The following HTT variants were observed in gnomAD, a reference collection of about 807,000 sequenced individuals.
The protein encoded by HTT is huntingtin.
HTT carries 104 observed loss-of-function variants against 362.3 expected under a neutral mutation model. That is an observed-to-expected ratio of 0.29 (90% CI 0.24 to 0.34). The LOEUF (loss-of-function observed/expected upper bound fraction) is 0.34, where lower values mean the gene tolerates loss of function less well. HTT is among the 10% of genes least tolerant of loss of function. The probability of loss-of-function intolerance (pLI) is 1.00; values close to 1 mark genes in which losing one functional copy is unlikely to be tolerated. For synonymous variants in HTT, 1,577 were observed against 1,548.7 expected (o/e 1.02, Z -0.43); for missense variants, 3,301 against 3,928.6 (o/e 0.84, Z 4.27).
chr4:3,150,336 A>G (rs933894388), intron 26 of HTT, among the ~76,000 whole-genome samples: 6 of 152,092 alleles, frequency 3.9e-5, no homozygotes, highest in African/African-American at 1.4e-4. Flanking sequence ...AAATAACCTT[A>G]TGTGGGTAGT....
At chr4:3,211,700 C>T (rs11721434) in intron 47 of HTT, among the ~76,000 whole-genome samples, 1 of 152,020 alleles carries the variant, frequency 6.6e-6, no homozygotes, top group African/African-American at 2.4e-5. Flanking sequence ...ACTTAAAATA[C>T]TAAGAGAGAA....
rs140443105 is a variant in HTT at position 3,080,341 on chromosome 4, C to T, written c.263+5253C>T. On this transcript the variant is annotated intron_variant, in intron 1 of 66. Coordinates refer to ENST00000355072, the MANE Select transcript of HTT (RefSeq NM_001388492.1). ...AACTTCTGACCTCAGGTGATCCACTCGCCTCAGCCTGCCAAAGTGCTGGGA... is the reference window on the plus strand; with the variant it reads ...AACTTCTGACCTCAGGTGATCCACTTGCCTCAGCCTGCCAAAGTGCTGGGA... 2.8e-3 allele frequency among the ~76,000 whole-genome samples: 420 copies of T among 152,100 alleles called. 1 individual carries two copies. The highest frequency in any genetic ancestry group is 9.5e-3 in the African/African-American group (396 of 41,478).
At chr4:3,151,338 GA>G (rs1430064959) in intron 26 of HTT, among the ~76,000 whole-genome samples, 1 of 151,696 alleles carries the variant, frequency 6.6e-6, no homozygotes, top group Non-Finnish European at 1.5e-5. Context: ...TGGCCCACAG[GA>G]AAAAGAGAGA....
intron 26 of HTT, among the ~76,000 whole-genome samples, chr4:3,151,484 A>G (rs912733182): frequency 1.3e-5 from 2 of 152,118 alleles, no homozygotes; most frequent in Non-Finnish European, 2.9e-5. Flanking sequence ...CAACCATTAG[A>G]AACTACCCCC....
Position 3,135,913 on chromosome 4 carries a change from CT to C in HTT, c.2648del (p.Leu883TrpfsTer19). 6.2e-7 allele frequency: 1 copy of C among 1,602,084 alleles called. No individual in the cohort carries two copies. The highest frequency in any genetic ancestry group is 1.8e-5 in the Admixed American group (1 of 56,920). On this transcript the variant is annotated frameshift_variant, in exon 20 of 67. Coordinates refer to ENST00000355072, the MANE Select transcript of HTT (RefSeq NM_001388492.1). LOFTEE classifies it high-confidence loss of function. ...TGTGCTCTTTTGTTAGGCTGGTGAG[CT>C]TTTTGGAGGCAAAAGCAGAAAACTT... is the stretch of plus-strand genomic sequence containing the variant. ...LAEIDFRLVS[F>X]LEAKAENLHR... is the part of the protein sequence containing the mutation.
chr4:3,154,395 A>G lies in HTT; in HGVS notation c.3601A>G (p.Lys1201Glu). 6.2e-7 allele frequency: 1 copy of G among 1,614,092 alleles called. No individual in the cohort carries two copies. Reference protein sequence around the residue: ...GEQASVPLSPKKGSEASAASR... With the variant: ...GEQASVPLSPEKGSEASAASR... The stretch of plus-strand genomic sequence containing the variant: ...ACAAGCATCTGTACCGTTGAGTCCC[A>G]AGAAAGGCAGTGAGGCCAGTGCAGG... Residue 1201 changes from lysine to glutamate, a missense_variant, in exon 27 of 67, where the codon AAG becomes GAG. Physicochemically the swap from Lys to Glu is moderately conservative, Grantham distance 56. Around this residue, in one of 4 missense-constraint regions of HTT, gnomAD observed 2,316 missense variants for 2,658.5 expected, o/e 0.87. Coordinates refer to ENST00000355072, the MANE Select transcript of HTT (RefSeq NM_001388492.1).
At position 3,204,019 on chromosome 4, in the gene HTT, G is replaced by A. The variant is rs1427579228; in HGVS notation, c.5589G>A (p.Leu1863=). 1.2e-6 allele frequency: 2 copies of A among 1,614,176 alleles called. No individual in the cohort carries two copies. The highest frequency in any genetic ancestry group is 1.6e-4 in the Middle Eastern group (1 of 6,062). ...EVQQTPKRHS[L]SSTKLLSPQM... ...TTGCTCCTTCTAGAAGACACAGTCTGTCCAGCACAAAGTTACTTAGTCCCC... is the reference window on the plus strand; with the variant it reads ...TTGCTCCTTCTAGAAGACACAGTCTATCCAGCACAAAGTTACTTAGTCCCC... The change falls in exon 42 of 67, where the codon CTG becomes CTA. Residue 1863 remains leucine, a synonymous_variant. Coordinates refer to ENST00000355072, the MANE Select transcript of HTT (RefSeq NM_001388492.1).
chr4:3,087,007 T>A lies in HTT; in HGVS notation c.332T>A (p.Val111Glu), dbSNP rs1222527408. The A allele has an allele frequency of 6.3e-7, 1 of 1,595,988 alleles. No individual in the cohort carries two copies. Among genetic ancestry groups the A allele is most frequent in the Admixed American group, 1.7e-5 (1 of 59,958 alleles). ...NHCLTICENI[V>E]AQSVRNSPEF... ...TGTCTGACAATATGTGAAAACATAG[T>A]GGCACAGTCTGTCAGGTAATTGCAC... Residue 111 changes from valine (V) to glutamate (E), a missense_variant, in exon 2 of 67, where the codon GTG (valine) becomes GAG (glutamate). Val to Glu is a moderately radical substitution (Grantham distance 121). This residue lies in a region of HTT where 2,316 missense variants were observed against 2,658.5 expected (regional missense o/e 0.87). Coordinates refer to ENST00000355072, the MANE Select transcript of HTT (RefSeq NM_001388492.1).
At chr4:3,085,408 T>C (rs1713156861) in intron 1 of HTT, among the ~76,000 whole-genome samples, 1 of 152,200 alleles carries the variant, frequency 6.6e-6, no homozygotes, top group Admixed American at 6.5e-5. Context: ...AGTGCTGGGA[T>C]TACAGGCGTG....
Position 3,157,054 on chromosome 4 carries a change from G to C in HTT, c.3626-18G>C. The C allele has an allele frequency of 6.4e-7, 1 of 1,572,394 alleles. No individual in the cohort carries two copies. The highest frequency in any genetic ancestry group is 1.2e-5 in the South Asian group (1 of 83,938). The stretch of plus-strand genomic sequence containing the variant: ...ATTTTGATCTAAAAGTTTATCTTTT[G>C]TGTGCATATTTTTAAAGCTTCTAGA... On this transcript the variant is annotated intron_variant, in intron 27 of 66. Transcript: ENST00000355072.
intron 9 of HTT, 153 bp downstream of exon 9, chr4:3,121,585 G>A (rs924112016): frequency 1.7e-6 from 1 of 596,394 alleles, no homozygotes; most frequent in East Asian, 2.9e-5. Flanking sequence ...TTTATAAATA[G>A]GGGAGTTGGG....
At chr4:3,078,153 G>C (rs1202515116) in intron 1 of HTT, among the ~76,000 whole-genome samples, 1 of 152,192 alleles carries the variant, frequency 6.6e-6, no homozygotes, top group African/African-American at 2.4e-5. Context: ...CAGTAATTAG[G>C]AGGCAATTAA....
intron 46 of HTT, 75 bp from the exon 47 acceptor site, chr4:3,209,752 C>G: frequency 6.3e-7 from 1 of 1,577,752 alleles, no homozygotes; most frequent in Non-Finnish European, 8.7e-7. Flanking sequence ...CTGGCCTAGG[C>G]CTGTAGCTCC....
At chr4:3,220,418 C>A in intron 53 of HTT, 110 bp downstream of exon 53, 2 of 1,157,148 alleles carry the variant, frequency 1.7e-6, no homozygotes, top group Non-Finnish European at 2.5e-6. Flanking sequence ...AAGATTTAAG[C>A]ATGATAATAA....
chr4:3,194,064 G>A (rs945648533), intron 40 of HTT, among the ~76,000 whole-genome samples: 10 of 152,268 alleles, frequency 6.6e-5, no homozygotes, highest in Non-Finnish European at 1.2e-4. Context: ...AATTCATCTC[G>A]TGTTTTTATA....
At chr4:3,150,092 C>T (rs1342229024) in intron 26 of HTT, among the ~76,000 whole-genome samples, 2 of 152,174 alleles carry the variant, frequency 1.3e-5, no homozygotes, top group Non-Finnish European at 2.9e-5. Flanking sequence ...CCTTCCTGCC[C>T]ACCAGCACAT....
chr4:3,122,694 G>A (rs950172324), intron 9 of HTT, among the ~76,000 whole-genome samples, 195 bp from the exon 10 acceptor site: 1 of 152,076 alleles, frequency 6.6e-6, no homozygotes, highest in African/African-American at 2.4e-5. Context: ...CATATCTTTA[G>A]AACTATATAT....
chr4:3,121,453 A>G (rs1276182246), intron 9 of HTT, 21 bp downstream of exon 9: 5 of 1,552,478 alleles, frequency 3.2e-6, no homozygotes, highest in South Asian at 2.2e-5. Flanking sequence ...AGCAAGGTCT[A>G]CTCTTACAAT....
intron 1 of HTT, among the ~76,000 whole-genome samples, chr4:3,086,471 G>C (rs534969451): frequency 6.6e-6 from 1 of 152,138 alleles, no homozygotes; most frequent in African/African-American, 2.4e-5. Context: ...AGGAGTTTGA[G>C]CAATTGGGCA....
Sources: gnomAD v4.1 joint callset for allele counts (sites outside exome capture counted in the v4.1 genomes callset) on GRCh38, gnomAD v4.1.1 for gene constraint, gnomAD v4.1.1 regional missense constraint, MANE v1.5 for transcripts, NCBI Gene and HGNC (gene_info 2026-07-23, HGNC 2026-07-21) for gene names.